HNRNPK: variants seen among roughly 807,000 people sequenced by gnomAD.
HNRNPK encodes heterogeneous nuclear ribonucleoprotein K.
Under a neutral mutation model 67.0 loss-of-function variants are expected in HNRNPK, and 7 were observed. The observed-to-expected ratio is 0.10, with a 90% confidence interval of 0.06 to 0.20. The LOEUF (loss-of-function observed/expected upper bound fraction) is 0.20, where lower values mean the gene tolerates loss of function less well. HNRNPK is among the 10% of genes least tolerant of loss of function. HNRNPK has a pLI of 1.00. For missense variants in HNRNPK, 264 were observed against 606.5 expected (o/e 0.44, Z 5.93); for synonymous variants, 213 against 193.7 (o/e 1.10, Z -0.83).
intron 13 of HNRNPK, 94 bp downstream of exon 13, chr9:83,971,179 G>GT (rs1956819710): frequency 1.1e-6 from 1 of 920,762 alleles, no homozygotes; most frequent in Middle Eastern, 3.2e-4. Context: ...CCTATTTTCA[G>GT]TAAGTATCCT....
chr9:83,976,735 T>C (rs556119201), intron 5 of HNRNPK: 2 of 331,598 alleles, frequency 6.0e-6, no homozygotes, highest in South Asian at 2.5e-4. Flanking sequence ...AGATGTTATC[T>C]TGCTTGATGA....
At chr9:83,975,364 G>A (rs760363613) in intron 6 of HNRNPK, 98 bp downstream of exon 6, 6 of 1,079,730 alleles carry the variant, frequency 5.6e-6, no homozygotes, top group East Asian at 2.4e-5. Flanking sequence ...ACAATACACC[G>A]TCTAAAGGGG....
At position 83,970,916 on chromosome 9, in the gene HNRNPK, AAAACAG is replaced by A; in HGVS notation, c.1093-10_1093-5del. The A allele has an allele frequency of 1.9e-6, 3 of 1,612,458 alleles. No individual in the cohort carries two copies. Among genetic ancestry groups the A allele is most frequent in the Non-Finnish European group, 2.5e-6 (3 of 1,178,648 alleles). ...ACTTACCATATCCGGAGCCACCCTA[AAAACAG>A]AAAGAAAAAAATAGAAAATTACTTT... On this transcript the variant is annotated splice_region_variant and splice_polypyrimidine_tract_variant and intron_variant, in intron 13 of 16. Coordinates refer to ENST00000376263, the MANE Select transcript of HNRNPK (RefSeq NM_031263.4).
chr9:83,973,009 GA>G, intron 9 of HNRNPK, 37 bp from the exon 10 acceptor site: 3 of 1,470,438 alleles, frequency 2.0e-6, no homozygotes, highest in African/African-American at 1.4e-5. Flanking sequence ...ATAATAATTA[GA>G]AGAAAATTAG....
At chr9:83,979,420 C>G (rs1047510660) in intron 1 of HNRNPK, among the ~76,000 whole-genome samples, 4 of 152,254 alleles carry the variant, frequency 2.6e-5, no homozygotes, top group African/African-American at 9.6e-5. Flanking sequence ...AACGTTGCCG[C>G]TTGCCGTTCA....
At position 83,968,671 on chromosome 9, in the gene HNRNPK, CTTA is replaced by C. The variant is rs988378898; in HGVS notation, c.*733_*735del. ...GCAAAAACAAACAAAAAATCCCCAG[CTTA>C]TTATAAGCATGAATATGTATGATGG... On this transcript the variant is annotated 3_prime_UTR_variant, in exon 17 of 17. Transcript: ENST00000376263. 4 of 152,576 alleles carry C rather than the reference CTTA, an allele frequency of 2.6e-5. No individual in the cohort carries two copies. The highest frequency in any genetic ancestry group is 9.7e-5 in the African/African-American group (4 of 41,438). 9.5% of individuals were successfully genotyped at this position (152,576 alleles called of 1,614,324 possible). A position where few individuals can be genotyped will look rare whatever the true frequency, so the allele number is the denominator to read the frequency against.
chr9:83,970,482 ATG>A (rs1354353948), intron 15 of HNRNPK, 151 bp from the exon 16 acceptor site: 18 of 678,920 alleles, frequency 2.7e-5, no homozygotes, highest in Middle Eastern at 3.6e-4. Context: ...TTGAGTTATA[ATG>A]TATTTATGTC....
At chr9:83,978,312 C>A (rs1359307901) in intron 2 of HNRNPK, 33 bp from the exon 3 acceptor site, 25 of 1,480,448 alleles carry the variant, frequency 1.7e-5, no homozygotes, top group Non-Finnish European at 2.2e-5. Context: ...GTACATTTGG[C>A]TTATTGGAAA....
In HNRNPK at chr9:83,971,297, T is replaced by G. The variant is rs376555582; in HGVS notation, c.1068A>C (p.Glu356Asp). ...CCTGTGGTTCATAAGCCATCTGCCATTCTGATGGGCTCCATGTATCTATTG... is the reference window on the plus strand; with the variant it reads ...CCTGTGGTTCATAAGCCATCTGCCAGTCTGATGGGCTCCATGTATCTATTG... The part of the protein sequence containing the change: ...DSAIDTWSPS[E>D]WQMAYEPQGG... Residue 356 changes from glutamate to aspartate, a missense_variant, in exon 13 of 17, where the codon GAA becomes GAC. Physicochemically the swap from Glu to Asp is conservative, Grantham distance 45. Around this residue, in one of 6 missense-constraint regions of HNRNPK, gnomAD observed 142 missense variants for 256.5 expected, o/e 0.55. Coordinates refer to ENST00000376263, the MANE Select transcript of HNRNPK (RefSeq NM_031263.4). 6.2e-7 allele frequency: 1 copy of G among 1,611,124 alleles called. No individual in the cohort carries two copies. The highest frequency in any genetic ancestry group is 1.1e-5 in the South Asian group (1 of 91,028).
In HNRNPK at chr9:83,974,594, CA is replaced by C; in HGVS notation, c.258-6del. 6.3e-7 allele frequency: 1 copy of C among 1,590,928 alleles called. No homozygotes were observed. Reference sequence around the variant, plus strand: ...TCAGCACTGATACTCAATATGCTGTCAAACACCACAAATACCAGATAGTACA... The same window carrying C: ...TCAGCACTGATACTCAATATGCTGTCAACACCACAAATACCAGATAGTACA... On this transcript the variant is annotated splice_region_variant and splice_polypyrimidine_tract_variant and intron_variant, in intron 6 of 16. Transcript: ENST00000376263.
rs2133000618 is a variant in HNRNPK at position 83,968,273 on chromosome 9, T to C, written c.*1134A>G. On this transcript the variant is annotated 3_prime_UTR_variant, in exon 17 of 17. Coordinates refer to ENST00000376263, the MANE Select transcript of HNRNPK (RefSeq NM_031263.4). Reference sequence around the variant, plus strand: ...AAAACATCCACAGGAACTTTTTTCATCTTTTTTTTTTTTGAATTGTACACA... The same window carrying C: ...AAAACATCCACAGGAACTTTTTTCACCTTTTTTTTTTTTGAATTGTACACA... 6.6e-6 allele frequency: 1 copy of C among 152,200 alleles called. No individual in the cohort carries two copies. The highest frequency in any genetic ancestry group is 2.1e-4 in the South Asian group (1 of 4,794). The allele number at this position is 152,200 out of a possible 1,614,324, so 9.4% of individuals were successfully genotyped here.
At chr9:83,974,970 ATGCAAGTGGTGAACAT>A (rs1394001579) in intron 6 of HNRNPK, among the ~76,000 whole-genome samples, 1 of 152,254 alleles carries the variant, frequency 6.6e-6, no homozygotes, top group Admixed American at 6.5e-5. Context: ...GTGGGGGAAT[ATGCAAGTGGTGAACAT>A]TGTATCTGGA....
chr9:83,975,705 G>A (rs1564066953), intron 5 of HNRNPK, 200 bp from the exon 6 acceptor site: 3 of 618,626 alleles, frequency 4.8e-6, no homozygotes, highest in Non-Finnish European at 8.9e-6. Context: ...CATGGGCAAC[G>A]GAGATATATG....
Position 83,969,500 on chromosome 9 carries a change from A to G in HNRNPK, c.1362-60T>C, listed in dbSNP as rs922221415. 5.0e-6 allele frequency: 5 copies of G among 996,580 alleles called. No homozygotes were observed. In the African/African-American group the frequency reaches 6.5e-5, roughly 13 times the overall value. 61.7% of individuals were successfully genotyped at this position (996,580 alleles called of 1,614,324 possible). ...ATTTTTGCTCGTAACATCTTAATCA[A>G]CATCAAGACAATTTCAATGCTAAAT... On this transcript the variant is annotated intron_variant, in intron 16 of 16. Coordinates refer to ENST00000376263, the MANE Select transcript of HNRNPK (RefSeq NM_031263.4).
In HNRNPK at chr9:83,969,010, T is replaced by C. The variant is rs532893283; in HGVS notation, c.*397A>G. 1.2e-5 allele frequency: 4 copies of C among 330,660 alleles called. No homozygotes were observed. Among genetic ancestry groups the C allele is most frequent in the South Asian group, 9.9e-5 (2 of 20,182 alleles). The allele number at this position is 330,660 out of a possible 1,614,324, so 20.5% of individuals were successfully genotyped here. ...ACAGATGCCAGGGACATGTGGACTA[T>C]TGTTACTTTTCCTCCCTGTCCCACC... On this transcript the variant is annotated 3_prime_UTR_variant, in exon 17 of 17. Coordinates refer to ENST00000376263, the MANE Select transcript of HNRNPK (RefSeq NM_031263.4).
chr9:83,973,233 A>G, intron 9 of HNRNPK, 53 bp downstream of exon 9: 2 of 1,020,080 alleles, frequency 2.0e-6, no homozygotes, highest in Non-Finnish European at 3.1e-6. Flanking sequence ...AAACAAGTCT[A>G]TATGAAAATT....
intron 1 of HNRNPK, among the ~76,000 whole-genome samples, chr9:83,979,897 T>C (rs528213200): frequency 2.6e-5 from 4 of 152,292 alleles, no homozygotes; most frequent in African/African-American, 9.6e-5. Context: ...ACGAGGTCCC[T>C]AGTTCCCAGT....
intron 16 of HNRNPK, 55 bp from the exon 17 acceptor site, chr9:83,969,495 A>G (rs1956723536): frequency 9.6e-7 from 1 of 1,044,956 alleles, no homozygotes; most frequent in Non-Finnish European, 1.5e-6. Flanking sequence ...GTAACATCTT[A>G]ATCAACATCA....
chr9:83,970,159 G>A lies in HNRNPK; in HGVS notation c.1361+3C>T, dbSNP rs777315715. The stretch of plus-strand genomic sequence containing the variant: ...GCTAACACAAAGCTAAACTTAAACT[G>A]ACCTGTTCTGCAGCAAATACTGTGC... On this transcript the variant is annotated splice_donor_region_variant and intron_variant, in intron 16 of 16. Transcript: ENST00000376263. The A allele has an allele frequency of 7.8e-5, 125 of 1,608,250 alleles. No homozygotes were observed. Among genetic ancestry groups the A allele is most frequent in the Non-Finnish European group, 1.1e-4 (125 of 1,176,654 alleles).
Sources: allele counts gnomAD v4.1 joint callset (sites outside exome capture counted in the v4.1 genomes callset), GRCh38; gene constraint gnomAD v4.1.1; regional missense constraint gnomAD v4.1.1; transcripts MANE v1.5; gene names NCBI Gene and HGNC (gene_info 2026-07-23, HGNC 2026-07-21).